CALN1: variants seen among roughly 807,000 people sequenced by gnomAD.
The protein encoded by CALN1 is calneuron 1.
In CALN1, 17 loss-of-function variants were observed where a neutral mutation model predicts 30.6. The observed-to-expected ratio is 0.56, with a 90% confidence interval of 0.38 to 0.83. The LOEUF (loss-of-function observed/expected upper bound fraction) is 0.83, where lower values mean the gene tolerates loss of function less well. CALN1 is among the 40% of genes least tolerant of loss of function. CALN1 has a pLI of 0.00. For missense variants in CALN1, 291 were observed against 354.9 expected (o/e 0.82, Z 1.45); for synonymous variants, 156 against 131.4 (o/e 1.19, Z -1.28).
At chr7:72,462,181 T>C in the CALN1 span, among the ~76,000 whole-genome samples, 1 of 151,080 alleles carries the variant, frequency 6.6e-6, no homozygotes, top group African/African-American at 2.5e-5. Flanking sequence ...TATGTATGTA[T>C]TTATTTATTT....
chr7:72,182,622 A>T (rs1789893208), intron 3 of CALN1, among the ~76,000 whole-genome samples: 1 of 152,092 alleles, frequency 6.6e-6, no homozygotes, highest in Non-Finnish European at 1.5e-5. Flanking sequence ...TGGGAGGCTG[A>T]GGCGGGAGAA....
intron 3 of CALN1, among the ~76,000 whole-genome samples, chr7:72,174,954 G>A (rs1469492568): frequency 1.1e-4 from 14 of 131,298 alleles, no homozygotes; most frequent in Admixed American, 4.1e-4. Flanking sequence ...ACGGAGTCTC[G>A]CTCTGTCTTT....
intron 3 of CALN1, among the ~76,000 whole-genome samples, chr7:72,264,098 T>C (rs1401069200): frequency 6.6e-6 from 1 of 152,194 alleles, no homozygotes. Context: ...CCAAAACTAA[T>C]TGGTTTATAT....
chr7:72,457,163 T>C, the CALN1 span, among the ~76,000 whole-genome samples: 1 of 152,034 alleles, frequency 6.6e-6, no homozygotes, highest in South Asian at 2.1e-4. Flanking sequence ...CATGTGCCAC[T>C]ATGCCCAGCT....
intron 3 of CALN1, among the ~76,000 whole-genome samples, chr7:72,257,053 T>A (rs1199209854): frequency 1.3e-5 from 2 of 152,132 alleles, no homozygotes; most frequent in South Asian, 2.1e-4. Flanking sequence ...CACACTTCCA[T>A]ATGGCTGGGG....
At chr7:71,972,308 G>T (rs1797888612) in intron 5 of CALN1, among the ~76,000 whole-genome samples, 1 of 152,198 alleles carries the variant, frequency 6.6e-6, no homozygotes, top group Non-Finnish European at 1.5e-5. Context: ...CGCTCAGGGA[G>T]AAGAAACTTC....
chr7:72,462,103 C>G, the CALN1 span, among the ~76,000 whole-genome samples: 2 of 152,002 alleles, frequency 1.3e-5, no homozygotes, highest in African/African-American at 4.8e-5. Flanking sequence ...GGTCAAAGAC[C>G]AACTATATGT....
intron 5 of CALN1, among the ~76,000 whole-genome samples, chr7:71,950,725 C>T (rs1258089856): frequency 6.6e-6 from 1 of 152,308 alleles, no homozygotes; most frequent in Non-Finnish European, 1.5e-5. Flanking sequence ...CAGGGAATCA[C>T]GTCCATACTC....
At chr7:71,952,033 G>A (rs1431216873) in intron 5 of CALN1, among the ~76,000 whole-genome samples, 1 of 152,092 alleles carries the variant, frequency 6.6e-6, no homozygotes, top group African/African-American at 2.4e-5. Flanking sequence ...GGAGAACCAG[G>A]CAGGACCACC....
intron 5 of CALN1, among the ~76,000 whole-genome samples, chr7:71,825,556 T>C (rs1388080460): frequency 3.9e-5 from 6 of 152,072 alleles, no homozygotes; most frequent in Admixed American, 3.9e-4. Context: ...GGGAGGCCTC[T>C]GAGATTTTTC....
chr7:72,152,870 G>A (rs1010559159), intron 3 of CALN1, among the ~76,000 whole-genome samples: 5 of 152,168 alleles, frequency 3.3e-5, no homozygotes, highest in Admixed American at 6.5e-5. Context: ...ACTCCATGGG[G>A]GAGAAGAATA....
intron 2 of CALN1, among the ~76,000 whole-genome samples, chr7:72,310,792 A>G (rs1242569566): frequency 6.6e-6 from 1 of 151,580 alleles, no homozygotes; most frequent in Non-Finnish European, 1.5e-5. Context: ...AATCCCAGCA[A>G]CTCAGGAGGC....
intron 1 of CALN1, among the ~76,000 whole-genome samples, chr7:72,409,262 G>A (rs750313900): frequency 2.6e-5 from 4 of 151,908 alleles, no homozygotes; most frequent in Non-Finnish European, 5.9e-5. Context: ...CCAAAATGCT[G>A]GGATTACAGG....
intron 1 of CALN1, among the ~76,000 whole-genome samples, chr7:72,407,850 G>C (rs772348236): frequency 3.9e-5 from 6 of 152,184 alleles, no homozygotes; most frequent in Non-Finnish European, 7.3e-5. Flanking sequence ...ATCCACCACA[G>C]ATGTAGCCTC....
intron 4 of CALN1, among the ~76,000 whole-genome samples, chr7:72,048,863 C>T (rs779581454): frequency 2.0e-5 from 3 of 151,770 alleles, no homozygotes; most frequent in African/African-American, 7.3e-5. Context: ...AGTGCAGTGC[C>T]GTGCCATGAT....
chr7:72,072,346 G>A (rs944404714), intron 4 of CALN1, among the ~76,000 whole-genome samples: 1 of 152,136 alleles, frequency 6.6e-6, no homozygotes, highest in African/African-American at 2.4e-5. Flanking sequence ...AGGCCAGAAG[G>A]CAGTGGGCTG....
At chr7:72,389,812 G>C (rs553439034) in intron 2 of CALN1, among the ~76,000 whole-genome samples, 7 of 151,834 alleles carry the variant, frequency 4.6e-5, no homozygotes, top group Admixed American at 2.0e-4. Flanking sequence ...CCAGCTACTC[G>C]GGAGGCTGAG....
chr7:72,125,992 G>A (rs1808736006), intron 3 of CALN1, among the ~76,000 whole-genome samples: 2 of 151,976 alleles, frequency 1.3e-5, no homozygotes, highest in Middle Eastern at 3.4e-3. Context: ...GTAGAGATGA[G>A]GTTTCACCAT....
chr7:72,405,596 TCA>T (rs777302135), intron 1 of CALN1, among the ~76,000 whole-genome samples: 2 of 152,090 alleles, frequency 1.3e-5, no homozygotes, highest in Non-Finnish European at 1.5e-5. Context: ...ACTCATCTAT[TCA>T]CACACACTAC....
Sources: gnomAD v4.1 joint callset for allele counts (sites outside exome capture counted in the v4.1 genomes callset) on GRCh38, gnomAD v4.1.1 for gene constraint, MANE v1.5 for transcripts, NCBI Gene and HGNC (gene_info 2026-07-23, HGNC 2026-07-21) for gene names.